DTNA: variants seen among roughly 807,000 people sequenced by gnomAD.
DTNA encodes dystrophin-related protein 3.
DTNA carries 43 observed loss-of-function variants against 100.7 expected under a neutral mutation model. The ratio of observed to expected loss-of-function variants is 0.43; its 90% CI spans 0.33 to 0.55. DTNA has a LOEUF of 0.55. Among genes scored for constraint, DTNA ranks in the 20% least tolerant of loss-of-function variants. DTNA has a pLI of 0.04. For missense variants in DTNA, 798 were observed against 953.9 expected, an observed-to-expected ratio of 0.84 and a Z score of 2.15; for synonymous variants, 349 against 347.9, an observed-to-expected ratio of 1.00 and a Z score of -0.04.
intron 1 of DTNA, among the ~76,000 whole-genome samples, chr18:34,679,850 A>G (rs1398746280): frequency 6.6e-6 from 1 of 152,172 alleles, no homozygotes; most frequent in Non-Finnish European, 1.5e-5. Context: ...TGTGAGCTAT[A>G]TAACATAAAG....
intron 1 of DTNA, among the ~76,000 whole-genome samples, chr18:34,573,169 C>CTG (rs1055538561): frequency 6.6e-6 from 1 of 152,162 alleles, no homozygotes; most frequent in African/African-American, 2.4e-5. Flanking sequence ...TTCTATATTT[C>CTG]TGCTTTCCTT....
chr18:34,882,128 CT>C lies in DTNA; in HGVS notation c.2223del (p.Val742SerfsTer14), dbSNP rs1156517738. On this transcript the variant is annotated frameshift_variant, in exon 21 of 23. Coordinates refer to ENST00000444659, the MANE Select transcript of DTNA (RefSeq NM_001386795.1). LOFTEE classifies it high-confidence loss of function. ...GAAGATGAAAACTATGAAAATGACT[CT>C]GTCCGGCAGCTGGAGAATGAGCTCC... ...QPEDENYENDSVRQLENELQM... is the reference protein window; with the variant it reads ...QPEDENYENDXVRQLENELQM... The C allele has an allele frequency of 1.9e-6, 3 of 1,614,096 alleles. No homozygotes were observed. The highest frequency in any genetic ancestry group is 2.7e-5 in the African/African-American group (2 of 75,006).
intron 1 of DTNA, among the ~76,000 whole-genome samples, chr18:34,671,037 A>G (rs2076679812): frequency 6.6e-6 from 1 of 152,204 alleles, no homozygotes; most frequent in African/African-American, 2.4e-5. Flanking sequence ...CTACAGAGGC[A>G]GGCAGGCCTC....
At chr18:34,850,561 A>G (rs2096461314) in intron 14 of DTNA, among the ~76,000 whole-genome samples, 1 of 152,242 alleles carries the variant, frequency 6.6e-6, no homozygotes, top group Non-Finnish European at 1.5e-5. Flanking sequence ...AGGTTTATGG[A>G]CATTAAAAAG....
At chr18:34,603,719 A>G (rs1368130715) in intron 1 of DTNA, among the ~76,000 whole-genome samples, 1 of 152,230 alleles carries the variant, frequency 6.6e-6, no homozygotes, top group Non-Finnish European at 1.5e-5. Context: ...TACCTATTTC[A>G]TTCAAAAATC....
At chr18:34,816,124 CT>C in intron 7 of DTNA, 110 bp downstream of exon 7, 1 of 1,126,596 alleles carries the variant, frequency 8.9e-7, no homozygotes, top group Non-Finnish European at 1.3e-6. Flanking sequence ...TATTTAGTGG[CT>C]CTTAGTTTTG....
At chr18:34,534,920 C>G (rs952233460) in intron 1 of DTNA, among the ~76,000 whole-genome samples, 3 of 152,106 alleles carry the variant, frequency 2.0e-5, no homozygotes, top group African/African-American at 7.2e-5. Context: ...GGTCCCTAGT[C>G]TTTGCTATTG....
intron 3 of DTNA, among the ~76,000 whole-genome samples, chr18:34,773,168 A>G (rs756560014): frequency 3.9e-5 from 6 of 152,214 alleles, no homozygotes; most frequent in Non-Finnish European, 7.3e-5. Context: ...GATGATATCC[A>G]TATTTTAAGG....
chr18:34,517,923 T>C (rs2041808732), intron 1 of DTNA, among the ~76,000 whole-genome samples: 1 of 152,084 alleles, frequency 6.6e-6, no homozygotes, highest in South Asian at 2.1e-4. Flanking sequence ...TGTGAATAGG[T>C]TTGTGTGAAA....
chr18:34,547,440 C>T (rs368069083), intron 1 of DTNA, among the ~76,000 whole-genome samples: 5 of 152,040 alleles, frequency 3.3e-5, no homozygotes, highest in African/African-American at 1.2e-4. Context: ...CAAGGAATTA[C>T]TCTATTGTAT....
At chr18:34,881,437 CTTTTTTTTTT>C (rs752828928) in intron 20 of DTNA, among the ~76,000 whole-genome samples, 3 of 51,398 alleles carry the variant, frequency 5.8e-5, no homozygotes, top group African/African-American at 2.5e-4. Context: ...AATTAAAATG[CTTTTTTTTTT>C]TTTTTTTTTT....
chr18:34,614,552 A>G (rs1179028079), intron 1 of DTNA, among the ~76,000 whole-genome samples: 1 of 152,238 alleles, frequency 6.6e-6, no homozygotes, highest in African/African-American at 2.4e-5. Context: ...TATCATTAAC[A>G]GGAGTTTAGA....
chr18:34,501,396 A>G (rs554750443), intron 1 of DTNA, among the ~76,000 whole-genome samples: 1 of 152,296 alleles, frequency 6.6e-6, no homozygotes, highest in South Asian at 2.1e-4. Context: ...TTACATCTAT[A>G]TTCATGAGGA....
intron 1 of DTNA, among the ~76,000 whole-genome samples, chr18:34,531,366 A>G (rs552071296): frequency 1.4e-4 from 21 of 152,250 alleles, no homozygotes; most frequent in Admixed American, 9.8e-4. Flanking sequence ...AGATACGTTC[A>G]TAACTCTGAT....
At chr18:34,655,251 C>T (rs1341435237) in intron 1 of DTNA, among the ~76,000 whole-genome samples, 1 of 152,152 alleles carries the variant, frequency 6.6e-6, no homozygotes, top group Non-Finnish European at 1.5e-5. Flanking sequence ...GGTTATTGGA[C>T]ATATTCACTG....
intron 1 of DTNA, among the ~76,000 whole-genome samples, chr18:34,633,172 G>A (rs1045001826): frequency 1.3e-5 from 2 of 152,118 alleles, no homozygotes; most frequent in Non-Finnish European, 2.9e-5. Flanking sequence ...AGCCTTTGGT[G>A]AGTTTCAAAA....
In DTNA at chr18:34,756,049, T is replaced by C; in HGVS notation, c.67+6T>C. The C allele has an allele frequency of 6.2e-7, 1 of 1,612,570 alleles. No individual in the cohort carries two copies. The highest frequency in any genetic ancestry group is 8.5e-7 in the Non-Finnish European group (1 of 1,179,230). ...ACAGCTGTTTGCAGAGATGAGTAAG[T>C]ATGGATCTTTTAAGGAACACCCTAT... On this transcript the variant is annotated splice_donor_region_variant and intron_variant, in intron 2 of 22. Coordinates refer to ENST00000444659, the MANE Select transcript of DTNA (RefSeq NM_001386795.1).
intron 1 of DTNA, among the ~76,000 whole-genome samples, chr18:34,744,159 C>T (rs1355276923): frequency 2.0e-5 from 3 of 152,150 alleles, no homozygotes; most frequent in Non-Finnish European, 1.5e-5. Context: ...ATAAAATAAA[C>T]TTCCCATGGT....
intron 21 of DTNA, among the ~76,000 whole-genome samples, 175 bp downstream of exon 21, chr18:34,882,376 C>CT (rs202137769): frequency 1.9e-4 from 28 of 149,492 alleles, no homozygotes; most frequent in African/African-American, 4.7e-4. Flanking sequence ...TTAAATACTT[C>CT]TTTTTTTTTT....
Sources: gnomAD v4.1 joint callset for allele counts (sites outside exome capture counted in the v4.1 genomes callset) on GRCh38, gnomAD v4.1.1 for gene constraint, MANE v1.5 for transcripts, NCBI Gene and HGNC (gene_info 2026-07-23, HGNC 2026-07-21) for gene names.